Variants in TULP3 observed in about 807,000 individuals in gnomAD.
TULP3 encodes tubby-related protein 3.
Under a neutral mutation model 50.7 loss-of-function variants are expected in TULP3, and 38 were observed. The ratio of observed to expected loss-of-function variants is 0.75; its 90% confidence interval spans 0.58 to 0.98. TULP3 has a LOEUF of 0.98. Ranked by LOEUF, TULP3 falls within the 50% of genes least tolerant of loss-of-function variation. The probability of loss-of-function intolerance (pLI) is 0.00; values close to 1 mark genes in which losing one functional copy is unlikely to be tolerated. For missense variants in TULP3, 550 were observed against 568.0 expected (o/e 0.97, Z 0.32); for synonymous variants, 183 against 196.6 (o/e 0.93, Z 0.58).
intron 6 of TULP3, among the ~76,000 whole-genome samples, chr12:2,933,071 T>C (rs1252955322): frequency 6.6e-6 from 1 of 152,034 alleles, no homozygotes; most frequent in Non-Finnish European, 1.5e-5. Flanking sequence ...GCCTCCTGAG[T>C]AGCTGGGACT....
rs752494103 is a variant in TULP3, at chr12:2,931,178, G to GGAAT, written c.636_639dup (p.Asp214AsnfsTer27). Reference sequence around the variant, plus strand: ...ATGTCGGATAATCCGGGATAAAAGGGGAATGGATCGGGGTCTCTTCCCCAC... The same window carrying GGAAT: ...ATGTCGGATAATCCGGGATAAAAGGGGAATGAATGGATCGGGGTCTCTTCCCCAC... On this transcript the variant is annotated frameshift_variant, in exon 6 of 11. Transcript: ENST00000448120. LOFTEE classifies it high-confidence loss of function. The GGAAT allele has an allele frequency of 1.9e-6, 3 of 1,614,164 alleles. No homozygotes were observed. The Admixed American group carries it at 5.0e-5, about 27-fold the overall frequency.
intron 2 of TULP3, among the ~76,000 whole-genome samples, chr12:2,912,362 G>A (rs1339592646): frequency 6.6e-6 from 1 of 152,204 alleles, no homozygotes; most frequent in East Asian, 1.9e-4. Context: ...AGGCATCCCA[G>A]GTGGGCAGTA....
chr12:2,902,621 G>A, intron 1 of TULP3, among the ~76,000 whole-genome samples: 1 of 152,188 alleles, frequency 6.6e-6, no homozygotes, highest in East Asian at 1.9e-4. Context: ...CAGGAACATT[G>A]AGAGTCCCGA....
At chr12:2,927,888 G>A (rs1470292482) in intron 4 of TULP3, among the ~76,000 whole-genome samples, 1 of 152,066 alleles carries the variant, frequency 6.6e-6, no homozygotes, top group Non-Finnish European at 1.5e-5. Context: ...TAGACACAAG[G>A]GAATTTAGTT....
chr12:2,899,924 A>AAC (rs2098178086), intron 1 of TULP3, among the ~76,000 whole-genome samples: 2 of 143,180 alleles, frequency 1.4e-5, no homozygotes, highest in African/African-American at 5.4e-5. Context: ...AAAAACAAAA[A>AAC]AAACTTGGAG....
rs1555115468 is a variant in TULP3, at chr12:2,937,231, T to TTTC, written c.925-400_925-399insTTC. On this transcript the variant is annotated intron_variant, in intron 8 of 10. Transcript: ENST00000448120. ...TTTTTTTTTTTTTTTTTTTTTTTTT[T>TTTC]CTGAGGCAGAGTCTCACTCTTGTCG... Among the ~76,000 whole-genome samples, 8 of 130,312 alleles carry TTTC rather than the reference T, an allele frequency of 6.1e-5. 1 individual carries two copies. The highest frequency in any genetic ancestry group is 6.4e-5 in the African/African-American group (2 of 31,322). The allele number at this position is 130,312 out of a possible 152,430, so 85.5% of individuals were successfully genotyped here. A position where few individuals can be genotyped will look rare whatever the true frequency, so the allele number is the denominator to read the frequency against.
At chr12:2,891,150 A>G (rs1603503561) in intron 1 of TULP3, among the ~76,000 whole-genome samples, 162 bp downstream of exon 1, 1 of 152,040 alleles carries the variant, frequency 6.6e-6, no homozygotes, top group East Asian at 1.9e-4. Flanking sequence ...CCCTCGCCCT[A>G]CTCCCGTGTG....
chr12:2,925,431 G>T (rs1171475685), intron 4 of TULP3, among the ~76,000 whole-genome samples: 1 of 152,192 alleles, frequency 6.6e-6, no homozygotes, highest in African/African-American at 2.4e-5. Flanking sequence ...GACAAGAGAG[G>T]TACCAGGAGG....
chr12:2,930,404 T>C, intron 5 of TULP3, 59 bp downstream of exon 5: 2 of 1,078,780 alleles, frequency 1.9e-6, no homozygotes, highest in Non-Finnish European at 2.7e-6. Flanking sequence ...CAAACATATC[T>C]TCAGTATTTA....
rs537852572 is a variant in TULP3 at position 2,940,268 on chromosome 12, C to T, written c.*824C>T. On this transcript the variant is annotated 3_prime_UTR_variant, in exon 11 of 11. Transcript: ENST00000448120. ...CACACACACCTGTAGGCATCCTGTGCAAACACTTTGTCATTATCAAGAGAG... is the reference window on the plus strand; with the variant it reads ...CACACACACCTGTAGGCATCCTGTGTAAACACTTTGTCATTATCAAGAGAG... 2 of 1,397,554 alleles carry T rather than the reference C, an allele frequency of 1.4e-6. No homozygotes were observed. Among genetic ancestry groups the T allele is most frequent in the African/African-American group, 2.9e-5 (2 of 69,300 alleles). 86.6% of individuals were successfully genotyped at this position (1,397,554 alleles called of 1,614,324 possible).
chr12:2,916,843 C>T (rs867841126), intron 2 of TULP3, among the ~76,000 whole-genome samples: 85 of 152,298 alleles, frequency 5.6e-4, no homozygotes, highest in Non-Finnish European at 2.5e-4. Context: ...TCATTCAATA[C>T]TGAGGTATAG....
At chr12:2,927,994 A>G (rs937188328) in intron 4 of TULP3, among the ~76,000 whole-genome samples, 5 of 152,180 alleles carry the variant, frequency 3.3e-5, no homozygotes, top group Non-Finnish European at 7.4e-5. Context: ...TTCATAACAC[A>G]CATTGATCAC....
chr12:2,904,823 G>A (rs1441396944), intron 1 of TULP3, among the ~76,000 whole-genome samples: 1 of 152,062 alleles, frequency 6.6e-6, no homozygotes, highest in South Asian at 2.1e-4. Context: ...ACACAGGCCG[G>A]GCATGGTGGC....
intron 1 of TULP3, among the ~76,000 whole-genome samples, chr12:2,899,357 A>AAAC (rs1555111351): frequency 2.0e-5 from 3 of 151,822 alleles, no homozygotes; most frequent in African/African-American, 7.3e-5. Flanking sequence ...AAAAAAAAAA[A>AAAC]AAAAAAACAG....
rs1491240708 is a variant in TULP3 at position 2,908,434 on chromosome 12, TTC to T, written c.42-1093_42-1092del. Among the ~76,000 whole-genome samples the T allele has an allele frequency of 7.2e-5, 11 of 152,262 alleles. No homozygotes were observed. The South Asian group carries it at 2.3e-3, about 32-fold the overall frequency. On this transcript the variant is annotated intron_variant, in intron 1 of 10. Transcript: ENST00000448120. Reference sequence around the variant, plus strand: ...AAGGCTTCAGAGAGAGGTTGTTTTTTTCTGTTTGTTTGTTTTGAGCCATAGTC... The same window carrying T: ...AAGGCTTCAGAGAGAGGTTGTTTTTTTGTTTGTTTGTTTTGAGCCATAGTC...
intron 1 of TULP3, among the ~76,000 whole-genome samples, chr12:2,906,625 G>A (rs1270605078): frequency 1.3e-5 from 2 of 151,454 alleles, no homozygotes; most frequent in East Asian, 4.0e-4. Flanking sequence ...CACTGCGTCT[G>A]GCCTAATTTT....
chr12:2,913,955 A>G (rs2098187153), intron 2 of TULP3, among the ~76,000 whole-genome samples: 1 of 151,998 alleles, frequency 6.6e-6, no homozygotes, highest in Non-Finnish European at 1.5e-5. Context: ...GTACATATTT[A>G]TGGGGTACAC....
chr12:2,911,346 TAGTC>T (rs747338879), intron 2 of TULP3, among the ~76,000 whole-genome samples: 1 of 151,818 alleles, frequency 6.6e-6, no homozygotes, highest in Non-Finnish European at 1.5e-5. Context: ...CTTCCAGAGA[TAGTC>T]AGTGAATTTT....
rs1255598592 is a variant in TULP3, at chr12:2,905,198, T to TTC, written c.42-4330_42-4329dup. 4.0e-5 allele frequency among the ~76,000 whole-genome samples: 6 copies of TTC among 151,458 alleles called. No individual in the cohort carries two copies. The East Asian group carries it at 9.7e-4, about 24-fold the overall frequency. On this transcript the variant is annotated intron_variant, in intron 1 of 10. Coordinates refer to ENST00000448120, the MANE Select transcript of TULP3 (RefSeq NM_003324.5). Reference sequence around the variant, plus strand: ...TGTCTATAAAATATCTTTTTTTTTTTTCCTTTGAGACAGAGTCTCGCTCTC... The same window carrying TTC: ...TGTCTATAAAATATCTTTTTTTTTTTTCTCCTTTGAGACAGAGTCTCGCTCTC...
Sources: allele counts gnomAD v4.1 joint callset (sites outside exome capture counted in the v4.1 genomes callset), GRCh38; gene constraint gnomAD v4.1.1; transcripts MANE v1.5; gene names NCBI Gene and HGNC (gene_info 2026-07-23, HGNC 2026-07-21).